The following ST13 variants were observed in gnomAD, a reference collection of about 807,000 sequenced individuals.
The protein encoded by ST13 is ST13 Hsp70 interacting protein.
ST13 carries 23 observed loss-of-function variants against 56.7 expected under a neutral mutation model. The ratio of observed to expected loss-of-function variants is 0.41; its 90% CI spans 0.29 to 0.57. The LOEUF is 0.57. ST13 is among the 20% of genes least tolerant of loss of function. The pLI, the probability that ST13 is intolerant of heterozygous loss-of-function variation, is 0.36. For synonymous variants in ST13, 132 were observed against 142.4 expected (o/e 0.93, Z 0.52); for missense variants, 369 against 459.9 (o/e 0.80, Z 1.81).
intron 10 of ST13, among the ~76,000 whole-genome samples, chr22:40,828,114 C>A (rs1341323215): frequency 6.6e-6 from 1 of 152,100 alleles, no homozygotes; most frequent in African/African-American, 2.4e-5. Flanking sequence ...AATAAAAATT[C>A]TCTGAAAGTG....
chr22:40,856,354 C>T (rs2057895333), intron 1 of ST13, 77 bp downstream of exon 1: 3 of 1,328,950 alleles, frequency 2.3e-6, no homozygotes, highest in South Asian at 1.2e-5. Flanking sequence ...GCCCGCCGGA[C>T]CGAGCCAGGT....
rs375959513 is a variant in ST13 at position 40,835,817 on chromosome 22, A to G, written c.453T>C (p.Tyr151=). 3.7e-6 allele frequency: 6 copies of G among 1,613,756 alleles called. No individual in the cohort carries two copies. In the African/African-American group the frequency reaches 8.0e-5, roughly 22 times the overall value. The part of the protein sequence containing the change: ...IKLNPRLAIL[Y]AKRASVFVKL... ...AGAGTTCTCACCTGGCCCTCTTGGC[A>G]TACAAAATGGCCAAGCGAGGATTCA... The change falls in exon 6 of 12, where the codon TAT becomes TAC. Residue 151 remains tyrosine (Y), a synonymous_variant. Transcript: ENST00000216218.
chr22:40,852,766 ACAC>A (rs763241882), intron 1 of ST13, among the ~76,000 whole-genome samples: 14 of 152,258 alleles, frequency 9.2e-5, no homozygotes, highest in Admixed American at 2.0e-4. Flanking sequence ...AGGCATATAG[ACAC>A]CACAAAATTC....
chr22:40,848,174 T>C (rs2057842212), intron 3 of ST13, 120 bp downstream of exon 3: 1 of 669,726 alleles, frequency 1.5e-6, no homozygotes, highest in African/African-American at 1.8e-5. Flanking sequence ...TAGAACATTC[T>C]AAGTTTCATA....
chr22:40,834,331 A>T (rs1273986911), intron 7 of ST13, among the ~76,000 whole-genome samples: 1 of 152,082 alleles, frequency 6.6e-6, no homozygotes, highest in Non-Finnish European at 1.5e-5. Context: ...AAACCTTCAA[A>T]CTTTACTTAG....
chr22:40,853,618 CTTAAT>C (rs1315409839), intron 1 of ST13, among the ~76,000 whole-genome samples: 1 of 152,162 alleles, frequency 6.6e-6, no homozygotes, highest in South Asian at 2.1e-4. Flanking sequence ...TCACATTTCT[CTTAAT>C]TTGATAACCT....
chr22:40,834,776 T>G (rs2145736194), intron 7 of ST13, among the ~76,000 whole-genome samples: 1 of 152,334 alleles, frequency 6.6e-6, no homozygotes, highest in East Asian at 1.9e-4. Context: ...TTCAAAAGGA[T>G]CAACAGCAAT....
chr22:40,839,859 T>TG (rs1015296767), intron 5 of ST13, among the ~76,000 whole-genome samples: 1 of 150,714 alleles, frequency 6.6e-6, no homozygotes, highest in African/African-American at 2.4e-5. Flanking sequence ...TAAATATATA[T>TG]AAAAAAAGAG....
At chr22:40,855,226 A>T (rs2057883770) in intron 1 of ST13, among the ~76,000 whole-genome samples, 1 of 152,086 alleles carries the variant, frequency 6.6e-6, no homozygotes, top group Admixed American at 6.6e-5. Context: ...GAGGCGGGGG[A>T]GTCCCTTGAG....
rs547558525 is a variant in ST13 at position 40,825,318 on chromosome 22, G to A, written c.*1220C>T. On this transcript the variant is annotated 3_prime_UTR_variant, in exon 12 of 12. Transcript: ENST00000216218. ...TAATTCACATTGGATAAAAAAAATC[G>A]GTTCCCCTCTGTGTGTATCAATTTA... 2.0e-5 allele frequency: 3 copies of A among 151,996 alleles called. No homozygotes were observed. The highest frequency in any genetic ancestry group is 1.9e-4 in the East Asian group (1 of 5,192). 9.4% of individuals were successfully genotyped at this position (151,996 alleles called of 1,614,324 possible).
chr22:40,830,817 T>A, intron 9 of ST13, 23 bp downstream of exon 9: 1 of 1,518,084 alleles, frequency 6.6e-7, no homozygotes, highest in Non-Finnish European at 9.0e-7. Flanking sequence ...TTTCCTTTCA[T>A]GGCTTAGCTA....
At chr22:40,839,784 T>C (rs563085455) in intron 5 of ST13, among the ~76,000 whole-genome samples, 3 of 149,284 alleles carry the variant, frequency 2.0e-5, no homozygotes, top group Non-Finnish European at 4.5e-5. Context: ...TAAAATAAAA[T>C]ACAACTGAAA....
intron 2 of ST13, among the ~76,000 whole-genome samples, chr22:40,849,472 T>G (rs1304691615): frequency 1.7e-5 from 2 of 119,900 alleles, no homozygotes; most frequent in Non-Finnish European, 3.2e-5. Flanking sequence ...AGAGTGAGAC[T>G]CTGTCTCAAA....
intron 4 of ST13, among the ~76,000 whole-genome samples, chr22:40,843,483 C>T (rs2057814762): frequency 6.6e-6 from 1 of 152,080 alleles, no homozygotes. Flanking sequence ...CAATAAACTC[C>T]TGAAACAGAC....
chr22:40,837,171 G>A (rs1399516558), intron 5 of ST13, among the ~76,000 whole-genome samples: 1 of 152,198 alleles, frequency 6.6e-6, no homozygotes, highest in Non-Finnish European at 1.5e-5. Flanking sequence ...GTTAGCGAAT[G>A]AGTAAAGGAC....
chr22:40,833,664 T>A (rs1602651761), intron 7 of ST13, among the ~76,000 whole-genome samples: 2 of 151,536 alleles, frequency 1.3e-5, no homozygotes, highest in African/African-American at 4.9e-5. Context: ...TCACCTGAGG[T>A]CAGGAGTTCA....
intron 5 of ST13, among the ~76,000 whole-genome samples, chr22:40,839,440 T>G (rs1398478516): frequency 2.6e-5 from 4 of 152,172 alleles, no homozygotes; most frequent in African/African-American, 4.8e-5. Context: ...GATTTGTTCT[T>G]ACAAATTATA....
In ST13 at chr22:40,850,873, C is replaced by T. The variant is rs780208458; in HGVS notation, c.118G>A (p.Gly40Ser). 144 of 1,594,444 alleles carry T rather than the reference C, an allele frequency of 9.0e-5. No homozygotes were observed. The highest frequency in any genetic ancestry group is 1.2e-4 in the Non-Finnish European group (138 of 1,173,716). ...FLREWVESMG[G>S]KVPPATQKAK... is the part of the protein sequence containing the mutation. Reference sequence around the variant, plus strand: ...TTCTGAGTAGCAGGTGGTACTTTACCACCCATGCTTGAAGAAGATGAGAAA... The same window carrying T: ...TTCTGAGTAGCAGGTGGTACTTTACTACCCATGCTTGAAGAAGATGAGAAA... Residue 40 changes from glycine (G) to serine (S), a missense_variant, in exon 2 of 12, where the codon GGT (glycine) becomes AGT (serine). By Grantham distance (56) the Gly-to-Ser change is moderately conservative. This residue lies in a region of ST13 where 169 missense variants were observed against 175.6 expected (regional missense o/e 0.96). Transcript: ENST00000216218.
At chr22:40,851,913 A>C (rs1321111459) in intron 1 of ST13, among the ~76,000 whole-genome samples, 2 of 151,930 alleles carry the variant, frequency 1.3e-5, no homozygotes, top group Non-Finnish European at 2.9e-5. Flanking sequence ...CACCCAGCTG[A>C]TTTTTTGTTT....
Sources: allele counts gnomAD v4.1 joint callset (sites outside exome capture counted in the v4.1 genomes callset), GRCh38; gene constraint gnomAD v4.1.1; regional missense constraint gnomAD v4.1.1; transcripts MANE v1.5; gene names NCBI Gene and HGNC (gene_info 2026-07-23, HGNC 2026-07-21).